The following METTL15 variants were observed in gnomAD, a reference collection of about 807,000 sequenced individuals.
METTL15 encodes methyltransferase 15, mitochondrial 12S rRNA N4-cytidine, also known as 12S rRNA N(4)-cytidine methyltransferase METTL15.
Under a neutral mutation model 38.3 loss-of-function variants are expected in METTL15, and 34 were observed. That is an observed-to-expected ratio of 0.89 (90% CI 0.68 to 1.18). The LOEUF (loss-of-function observed/expected upper bound fraction) is 1.18, where lower values mean the gene tolerates loss of function less well. METTL15 is among the 50% of genes most tolerant of loss of function. The probability of loss-of-function intolerance (pLI) is 0.00; values close to 1 mark genes in which losing one functional copy is unlikely to be tolerated. For synonymous variants in METTL15, 162 were observed against 170.9 expected (o/e 0.95, Z 0.41); for missense variants, 438 against 498.4 (o/e 0.88, Z 1.15).
intron 6 of METTL15, among the ~76,000 whole-genome samples, chr11:28,519,535 A>G (rs1851746873): frequency 6.7e-6 from 1 of 149,282 alleles, no homozygotes; most frequent in Non-Finnish European, 1.5e-5. Context: ...AGCCTGGGCG[A>G]CAGAGTGAGG....
intron 3 of METTL15, among the ~76,000 whole-genome samples, chr11:28,168,398 T>C (rs1273379577): frequency 6.6e-6 from 1 of 151,226 alleles, no homozygotes; most frequent in Non-Finnish European, 1.5e-5. Context: ...TTGAGTAGGG[T>C]AAGTAATGAA....
At chr11:28,338,906 A>C (rs1055387004) in intron 3 of METTL15, among the ~76,000 whole-genome samples, 28 of 152,140 alleles carry the variant, frequency 1.8e-4, no homozygotes, top group African/African-American at 6.3e-4. Context: ...AGAGCTAATA[A>C]GGAATGAAAA....
chr11:28,147,959 A>G (rs1269496364), intron 3 of METTL15, among the ~76,000 whole-genome samples: 6 of 151,848 alleles, frequency 4.0e-5, no homozygotes, highest in African/African-American at 9.7e-5. Context: ...TTTTTTACCT[A>G]CAATTGAGTA....
chr11:28,236,210 A>C (rs1853960506), intron 4 of METTL15, among the ~76,000 whole-genome samples: 1 of 152,120 alleles, frequency 6.6e-6, no homozygotes, highest in African/African-American at 2.4e-5. Context: ...TCGGTTTGCC[A>C]GTATTTTATT....
intron 5 of METTL15, among the ~76,000 whole-genome samples, chr11:28,295,587 C>T (rs913174433): frequency 2.7e-5 from 4 of 149,842 alleles, no homozygotes; most frequent in Admixed American, 1.3e-4. Context: ...GCAACAAGAG[C>T]GAAACTTCGT....
chr11:28,396,931 A>G (rs1850576230), intron 5 of METTL15, among the ~76,000 whole-genome samples: 1 of 151,788 alleles, frequency 6.6e-6, no homozygotes, highest in South Asian at 2.1e-4. Flanking sequence ...CTCAGAAATA[A>G]TACCACACAT....
intron 6 of METTL15, among the ~76,000 whole-genome samples, chr11:28,452,510 A>G (rs996499041): frequency 6.6e-6 from 1 of 152,232 alleles, no homozygotes; most frequent in African/African-American, 2.4e-5. Context: ...CAGGGTATAA[A>G]CATTAAGTAA....
chr11:28,333,642 T>G (rs1030763096), downstream of METTL15: 13 of 152,042 alleles, frequency 8.6e-5, 1 homozygote, highest in Non-Finnish European at 1.9e-4. Flanking sequence ...ATCCCTATTT[T>G]TATTTTATTT....
intron 4 of METTL15, among the ~76,000 whole-genome samples, chr11:28,356,234 G>A (rs76161024): frequency 0.037 from 5,630 of 152,088 alleles, 350 homozygotes; most frequent in African/African-American, 0.13. Flanking sequence ...TAATTATTTT[G>A]TCCATTTATG....
chr11:28,143,969 C>A (rs1039326614), intron 3 of METTL15, among the ~76,000 whole-genome samples: 18 of 152,152 alleles, frequency 1.2e-4, no homozygotes, highest in African/African-American at 4.3e-4. Flanking sequence ...CATTTCATTT[C>A]CAGGTTAGGT....
chr11:28,474,320 A>C (rs1397450611), intron 6 of METTL15, among the ~76,000 whole-genome samples: 1 of 151,994 alleles, frequency 6.6e-6, no homozygotes, highest in Non-Finnish European at 1.5e-5. Flanking sequence ...TAAGGTGTCT[A>C]TGTTTAATTC....
chr11:28,445,827 A>T (rs1157932906), intron 6 of METTL15, among the ~76,000 whole-genome samples: 1 of 151,452 alleles, frequency 6.6e-6, no homozygotes, highest in Non-Finnish European at 1.5e-5. Context: ...AATTTTTTAT[A>T]TTTTTTGTAG....
intron 6 of METTL15, among the ~76,000 whole-genome samples, chr11:28,438,296 T>C (rs1320834620): frequency 6.6e-6 from 1 of 152,238 alleles, no homozygotes; most frequent in Non-Finnish European, 1.5e-5. Flanking sequence ...TTTCAGAGTT[T>C]ATAACAAGGC....
chr11:28,206,450 C>A (rs1231432223), intron 3 of METTL15, among the ~76,000 whole-genome samples: 2 of 152,066 alleles, frequency 1.3e-5, no homozygotes, highest in African/African-American at 4.8e-5. Flanking sequence ...GGGCTCTGTT[C>A]TGTTCCATTG....
chr11:28,451,406 A>C (rs1239786395), intron 6 of METTL15, among the ~76,000 whole-genome samples: 1 of 152,102 alleles, frequency 6.6e-6, no homozygotes, highest in African/African-American at 2.4e-5. Context: ...TAACACGGTG[A>C]AACCCCGTCT....
intron 6 of METTL15, among the ~76,000 whole-genome samples, chr11:28,469,385 A>G (rs1851284625): frequency 1.3e-5 from 2 of 152,326 alleles, no homozygotes; most frequent in South Asian, 2.1e-4. Context: ...TATCCATTCC[A>G]TCGGCACACA....
At chr11:28,138,068 G>T (rs1849573685) in intron 3 of METTL15, among the ~76,000 whole-genome samples, 1 of 151,948 alleles carries the variant, frequency 6.6e-6, no homozygotes, top group Non-Finnish European at 1.5e-5. Context: ...GATTTTGAGA[G>T]GAATCTATCC....
intron 3 of METTL15, among the ~76,000 whole-genome samples, chr11:28,210,032 C>G (rs983609112): frequency 2.0e-5 from 3 of 151,978 alleles, no homozygotes; most frequent in African/African-American, 7.2e-5. Context: ...TGGAGAATGT[C>G]TTGACTTGCA....
intron 5 of METTL15, among the ~76,000 whole-genome samples, chr11:28,291,447 G>A (rs181862375): frequency 1.3e-5 from 2 of 152,236 alleles, no homozygotes; most frequent in Admixed American, 1.3e-4. Flanking sequence ...GCCTATACCT[G>A]TAAAACTTAA....
Sources: allele counts gnomAD v4.1 joint callset (sites outside exome capture counted in the v4.1 genomes callset), GRCh38; gene constraint gnomAD v4.1.1; transcripts MANE v1.5; gene names NCBI Gene and HGNC (gene_info 2026-07-23, HGNC 2026-07-21).